The following CYP39A1 variants were observed in gnomAD, a reference collection of about 807,000 sequenced individuals.
The protein encoded by CYP39A1 is 24-hydroxycholesterol 7-alpha-hydroxylase.
CYP39A1 carries 49 observed loss-of-function variants against 58.1 expected under a neutral mutation model. The observed-to-expected ratio is 0.84, with a 90% confidence interval of 0.67 to 1.07. The LOEUF (loss-of-function observed/expected upper bound fraction) is 1.07. Ranked by LOEUF, CYP39A1 falls within the 50% of genes least tolerant of loss-of-function variation. CYP39A1 has a pLI of 0.00. For synonymous variants in CYP39A1, 209 were observed against 187.6 expected (o/e 1.11, Z -0.93); for missense variants, 531 against 539.4 (o/e 0.98, Z 0.16).
At chr6:46,582,337 G>T (rs1444121817) in intron 10 of CYP39A1, among the ~76,000 whole-genome samples, 9 of 152,100 alleles carry the variant, frequency 5.9e-5, no homozygotes, top group Non-Finnish European at 1.3e-4. Flanking sequence ...ATACAAGAGT[G>T]TGCAGATACT....
intron 2 of CYP39A1, among the ~76,000 whole-genome samples, chr6:46,640,712 T>A (rs1362156293): frequency 6.6e-6 from 1 of 152,112 alleles, no homozygotes; most frequent in Non-Finnish European, 1.5e-5. Context: ...ATTAATCCCA[T>A]CACTCAGGTA....
intron 1 of CYP39A1, among the ~76,000 whole-genome samples, chr6:46,648,132 T>C (rs1762443767): frequency 6.6e-6 from 1 of 152,126 alleles, no homozygotes; most frequent in African/African-American, 2.4e-5. Context: ...GAACTAGAAA[T>C]ACCATTTGAC....
At chr6:46,633,762 CAGG>C (rs561308564) in intron 5 of CYP39A1, among the ~76,000 whole-genome samples, 1,604 of 152,106 alleles carry the variant, frequency 0.011, 17 homozygotes, top group Non-Finnish European at 0.016. Context: ...GAGGCTGAAG[CAGG>C]AGAATTGCTT....
At chr6:46,609,807 A>G (rs911452677) in intron 7 of CYP39A1, among the ~76,000 whole-genome samples, 3 of 152,244 alleles carry the variant, frequency 2.0e-5, no homozygotes, top group African/African-American at 7.2e-5. Flanking sequence ...GCTTTAACAA[A>G]GAAAAATGAT....
Position 46,642,194 on chromosome 6 carries a change from T to A in CYP39A1, c.282A>T (p.Glu94Asp), listed in dbSNP as rs1346088354. ...GATAAACGATATTTTGCACTGCTAG[T>A]TCAAAATCTACTTTTTTGGATTTTA... Reference protein sequence around the residue: ...VFLKSKKVDFELAVQNIVYRT... With the variant: ...VFLKSKKVDFDLAVQNIVYRT... Residue 94 changes from glutamate (E) to aspartate (D), a missense_variant, in exon 2 of 12, where the codon GAA becomes GAT. Coordinates refer to ENST00000275016, the MANE Select transcript of CYP39A1 (RefSeq NM_016593.5). The A allele has an allele frequency of 6.2e-7, 1 of 1,613,010 alleles. No individual in the cohort carries two copies. The highest frequency in any genetic ancestry group is 8.5e-7 in the Non-Finnish European group (1 of 1,179,432).
At chr6:46,648,126 T>C (rs1419508849) in intron 1 of CYP39A1, among the ~76,000 whole-genome samples, 4 of 152,074 alleles carry the variant, frequency 2.6e-5, no homozygotes, top group Non-Finnish European at 4.4e-5. Context: ...GATCTAGAAC[T>C]AGAAATACCA....
chr6:46,611,193 C>T (rs1022505287), intron 7 of CYP39A1, among the ~76,000 whole-genome samples: 1 of 152,188 alleles, frequency 6.6e-6, no homozygotes, highest in Non-Finnish European at 1.5e-5. Context: ...ATGGATATGG[C>T]CTTTTGGCAT....
At chr6:46,608,927 A>G (rs2150546016) in intron 7 of CYP39A1, among the ~76,000 whole-genome samples, 1 of 151,960 alleles carries the variant, frequency 6.6e-6, no homozygotes, top group African/African-American at 2.4e-5. Flanking sequence ...AACAGGCTTT[A>G]TAACAGTTAT....
At chr6:46,589,813 C>A (rs987538260) in intron 8 of CYP39A1, among the ~76,000 whole-genome samples, 3 of 152,188 alleles carry the variant, frequency 2.0e-5, no homozygotes. Context: ...CAGGGATGGG[C>A]CTTCAGTCAG....
chr6:46,601,138 G>A (rs1026225786), intron 7 of CYP39A1, among the ~76,000 whole-genome samples: 1 of 152,204 alleles, frequency 6.6e-6, no homozygotes, highest in East Asian at 1.9e-4. Flanking sequence ...CAGAAGTGTT[G>A]TGTGTAGAGA....
intron 10 of CYP39A1, among the ~76,000 whole-genome samples, chr6:46,578,014 C>T (rs554023145): frequency 4.5e-4 from 68 of 152,184 alleles, no homozygotes; most frequent in African/African-American, 1.5e-3. Flanking sequence ...CTAAGATTGA[C>T]CACATGCTGG....
intron 7 of CYP39A1, among the ~76,000 whole-genome samples, chr6:46,597,827 A>G (rs1172335039): frequency 6.6e-6 from 1 of 152,134 alleles, no homozygotes; most frequent in Non-Finnish European, 1.5e-5. Flanking sequence ...TAACACCTCA[A>G]CAATGAAACA....
In CYP39A1 at chr6:46,587,186, T is replaced by C. The variant is rs575830783; in HGVS notation, c.1162-21A>G. On this transcript the variant is annotated intron_variant, in intron 9 of 11. Coordinates refer to ENST00000275016, the MANE Select transcript of CYP39A1 (RefSeq NM_016593.5). ...CGTTCCTGTGGGAAGAAAACATTTT[T>C]TTTTCCAAATCAGCCTTATATAAAT... 213 of 1,518,156 alleles carry C rather than the reference T, an allele frequency of 1.4e-4. No individual in the cohort carries two copies. The Admixed American group carries it at 3.7e-3, about 26-fold the overall frequency. 94.0% of individuals were successfully genotyped at this position (1,518,156 alleles called of 1,614,324 possible).
chr6:46,576,640 A>G (rs1771864457), intron 10 of CYP39A1, among the ~76,000 whole-genome samples: 1 of 152,234 alleles, frequency 6.6e-6, no homozygotes, highest in Non-Finnish European at 1.5e-5. Flanking sequence ...CCATTTTAAC[A>G]AAGAACCAAA....
At chr6:46,625,589 AT>A (rs1358997792) in intron 6 of CYP39A1, 81 bp from the exon 7 acceptor site, 2 of 988,428 alleles carry the variant, frequency 2.0e-6, no homozygotes, top group South Asian at 1.9e-5. Flanking sequence ...CCATACATAT[AT>A]TTTTTAAAAA....
chr6:46,605,385 T>C (rs952073468), intron 7 of CYP39A1, among the ~76,000 whole-genome samples: 2 of 152,064 alleles, frequency 1.3e-5, no homozygotes, highest in African/African-American at 4.8e-5. Context: ...CCTAGTAGAG[T>C]GTCAAGGAAA....
intron 10 of CYP39A1, among the ~76,000 whole-genome samples, chr6:46,557,658 G>A (rs1249100507): frequency 3.8e-4 from 48 of 126,058 alleles, no homozygotes; most frequent in Non-Finnish European, 6.1e-4. Flanking sequence ...AAAAAAAAAA[G>A]CAAGGCACAG....
At chr6:46,595,773 G>A (rs967944285) in intron 8 of CYP39A1, among the ~76,000 whole-genome samples, 3 of 151,958 alleles carry the variant, frequency 2.0e-5, no homozygotes, top group African/African-American at 7.2e-5. Context: ...AAACTGATAA[G>A]CAAGTGAAGT....
chr6:46,621,906 T>C (rs550940376), intron 7 of CYP39A1, among the ~76,000 whole-genome samples: 1 of 152,086 alleles, frequency 6.6e-6, no homozygotes, highest in Non-Finnish European at 1.5e-5. Flanking sequence ...AAAAAAATAC[T>C]TCAAAAAATA....
Sources: gnomAD v4.1 joint callset for allele counts (sites outside exome capture counted in the v4.1 genomes callset) on GRCh38, gnomAD v4.1.1 for gene constraint, MANE v1.5 for transcripts, NCBI Gene and HGNC (gene_info 2026-07-23, HGNC 2026-07-21) for gene names.